Variants in DOCK4 observed in about 807,000 individuals in gnomAD.
The protein encoded by DOCK4 is dedicator of cytokinesis 4.
A neutral mutation model predicts 268.1 loss-of-function variants in DOCK4; 97 were observed. The ratio of observed to expected loss-of-function variants is 0.36; its 90% CI spans 0.31 to 0.43. The LOEUF is 0.43. Among genes scored for constraint, DOCK4 ranks in the 20% least tolerant of loss-of-function variants. The probability of loss-of-function intolerance (pLI) is 1.00; values close to 1 mark genes in which losing one functional copy is unlikely to be tolerated. For synonymous variants in DOCK4, 954 were observed against 887.2 expected, an observed-to-expected ratio of 1.08 and a Z score of -1.34; for missense variants, 2,145 against 2,455.7, an observed-to-expected ratio of 0.87 and a Z score of 2.67.
intron 23 of DOCK4, among the ~76,000 whole-genome samples, chr7:111,850,839 G>A (rs935574574): frequency 6.6e-5 from 10 of 150,648 alleles, no homozygotes; most frequent in South Asian, 2.1e-4. Context: ...CTCCTTTTTC[G>A]GACTCAGTCC....
chr7:111,740,081 C>T (rs749742863), intron 47 of DOCK4: 12 of 442,964 alleles, frequency 2.7e-5, no homozygotes, highest in South Asian at 1.9e-4. Context: ...AATTTTAAAA[C>T]AGACCCTCAA....
intron 1 of DOCK4, among the ~76,000 whole-genome samples, chr7:112,135,062 C>T (rs941397244): frequency 4.6e-5 from 7 of 151,790 alleles, no homozygotes; most frequent in Admixed American, 2.0e-4. Flanking sequence ...TCAATAAAGT[C>T]CTTTCTGTAT....
chr7:111,739,127 G>A lies in DOCK4; in HGVS notation c.5232+7C>T. ...GTTTTCTAGTTTCTCTACCCTACAAGGAGTACCTGCGAAGGCTCCACAGGT... is the reference window on the plus strand; with the variant it reads ...GTTTTCTAGTTTCTCTACCCTACAAAGAGTACCTGCGAAGGCTCCACAGGT... On this transcript the variant is annotated splice_region_variant and intron_variant, in intron 49 of 52. Coordinates refer to ENST00000428084, the MANE Select transcript of DOCK4 (RefSeq NM_001363540.2). The A allele has an allele frequency of 6.2e-7, 1 of 1,606,248 alleles. No homozygotes were observed. The highest frequency in any genetic ancestry group is 2.2e-5 in the East Asian group (1 of 44,822).
chr7:111,809,928 C>G (rs147258165), intron 28 of DOCK4, among the ~76,000 whole-genome samples: 134 of 150,752 alleles, frequency 8.9e-4, no homozygotes, highest in African/African-American at 2.9e-3. Context: ...TTTAAGTTTT[C>G]TTATACCAAA....
At chr7:111,886,713 T>C (rs1375125375) in intron 16 of DOCK4, among the ~76,000 whole-genome samples, 1 of 152,140 alleles carries the variant, frequency 6.6e-6, no homozygotes, top group African/African-American at 2.4e-5. Flanking sequence ...ATGTGGGATC[T>C]TGGAATGGAT....
At chr7:111,942,921 C>G (rs1479279248) in intron 10 of DOCK4, among the ~76,000 whole-genome samples, 1 of 152,102 alleles carries the variant, frequency 6.6e-6, no homozygotes, top group Non-Finnish European at 1.5e-5. Context: ...AATTGCCTTG[C>G]TGAGAAAATT....
chr7:112,098,811 T>TTTATATCTAAATTATATCTCATGAGCAC, intron 1 of DOCK4, among the ~76,000 whole-genome samples: 1 of 130,764 alleles, frequency 7.6e-6, no homozygotes, highest in East Asian at 2.0e-4. Context: ...CTCATGAGCA[T>TTTATATCTAAATTATATCTCATGAGCAC]ATATCTATAT....
At chr7:111,938,072 A>G (rs959152200) in intron 11 of DOCK4, among the ~76,000 whole-genome samples, 1 of 152,208 alleles carries the variant, frequency 6.6e-6, no homozygotes, top group African/African-American at 2.4e-5. Context: ...TTTAAGCTTA[A>G]CCACTGAAAT....
At chr7:112,097,052 C>T (rs971195478) in intron 1 of DOCK4, among the ~76,000 whole-genome samples, 2 of 151,960 alleles carry the variant, frequency 1.3e-5, no homozygotes, top group Admixed American at 6.6e-5. Context: ...ACCTGGTTAC[C>T]GCAAAAAGCC....
chr7:112,155,295 T>C (rs1219516137), intron 1 of DOCK4, among the ~76,000 whole-genome samples: 1 of 151,924 alleles, frequency 6.6e-6, no homozygotes, highest in Non-Finnish European at 1.5e-5. Flanking sequence ...CCTGTATCAT[T>C]AAAGTTTCCT....
chr7:111,746,454 A>G (rs1246495591), intron 43 of DOCK4, 37 bp from the exon 44 acceptor site: 1 of 1,421,250 alleles, frequency 7.0e-7, no homozygotes, highest in East Asian at 2.4e-5. Flanking sequence ...ACTTTAGTGG[A>G]GTACAAGGCA....
intron 1 of DOCK4, among the ~76,000 whole-genome samples, chr7:112,074,203 T>C (rs2135684349): frequency 6.6e-6 from 1 of 152,356 alleles, no homozygotes; most frequent in East Asian, 1.9e-4. Flanking sequence ...TCATGTATTA[T>C]AAACCCTCCC....
intron 7 of DOCK4, 131 bp downstream of exon 7, chr7:111,984,175 C>T (rs1798859360): frequency 1.3e-6 from 1 of 783,074 alleles, no homozygotes; most frequent in Admixed American, 2.8e-5. Flanking sequence ...CACCTCAGCT[C>T]TCAAGTCTTT....
rs1183636253 is a variant in DOCK4 at position 111,735,082 on chromosome 7, G to A, written c.5391C>T (p.Pro1797=). 7 of 1,598,428 alleles carry A rather than the reference G, an allele frequency of 4.4e-6. No individual in the cohort carries two copies. The Admixed American group carries it at 1.2e-4, about 28-fold the overall frequency. ...TCTGTGTGGGTCTTGGAGGGACAGG[G>A]GGAGAGATAAGTTTCCCACTATCCG... The part of the protein sequence containing the change: ...NMSDSGKLIS[P]PVPPRPTQTA... Residue 1797 remains proline, a synonymous_variant, in exon 51 of 53, where the codon CCC becomes CCT. Transcript: ENST00000428084.
intron 37 of DOCK4, among the ~76,000 whole-genome samples, chr7:111,767,819 G>C (rs1797857602): frequency 6.6e-6 from 1 of 151,974 alleles, no homozygotes; most frequent in African/African-American, 2.4e-5. Context: ...TTCCTTGCTT[G>C]GCTTAGTTGT....
At chr7:112,191,846 A>T (rs2116799251) in intron 1 of DOCK4, among the ~76,000 whole-genome samples, 1 of 151,976 alleles carries the variant, frequency 6.6e-6, no homozygotes, top group Non-Finnish European at 1.5e-5. Flanking sequence ...GTAAGCATTC[A>T]TCCTAAAGCT....
chr7:111,727,639 T>G lies in DOCK4; in HGVS notation c.*635A>C, dbSNP rs1005967623. On this transcript the variant is annotated 3_prime_UTR_variant, in exon 53 of 53. Transcript: ENST00000428084. Reference sequence around the variant, plus strand: ...CCACGGTGTCAGGGTAGTAAGGGATTTAGCTACCAATTCACAAAATAGAAT... The same window carrying G: ...CCACGGTGTCAGGGTAGTAAGGGATGTAGCTACCAATTCACAAAATAGAAT... The G allele has an allele frequency of 6.6e-6, 1 of 152,524 alleles. No homozygotes were observed. Among genetic ancestry groups the G allele is most frequent in the Admixed American group, 6.5e-5 (1 of 15,282 alleles). 9.4% of individuals were successfully genotyped at this position (152,524 alleles called of 1,614,324 possible). A position where few individuals can be genotyped will look rare whatever the true frequency, so the allele number is the denominator to read the frequency against.
At chr7:111,897,619 T>G (rs544372279) in intron 15 of DOCK4, among the ~76,000 whole-genome samples, 1 of 151,040 alleles carries the variant, frequency 6.6e-6, no homozygotes, top group Non-Finnish European at 1.5e-5. Context: ...AAATTGGACA[T>G]AGTGGGAGTA....
At chr7:112,180,301 A>T (rs185378711) in intron 1 of DOCK4, among the ~76,000 whole-genome samples, 1 of 152,286 alleles carries the variant, frequency 6.6e-6, no homozygotes, top group African/African-American at 2.4e-5. Flanking sequence ...CCCAACAAGC[A>T]TCAGAGGACC....
Sources: gnomAD v4.1 joint callset for allele counts (sites outside exome capture counted in the v4.1 genomes callset) on GRCh38, gnomAD v4.1.1 for gene constraint, MANE v1.5 for transcripts, NCBI Gene and HGNC (gene_info 2026-07-23, HGNC 2026-07-21) for gene names.